The following PREX1 variants were observed in gnomAD, a reference collection of about 807,000 sequenced individuals.
PREX1 encodes the protein phosphatidylinositol 3,4,5-trisphosphate-dependent Rac exchanger 1 protein.
In PREX1, 41 loss-of-function variants were observed where a neutral mutation model predicts 198.3. That is an observed-to-expected ratio of 0.21 (90% CI 0.16 to 0.27). The LOEUF (loss-of-function observed/expected upper bound fraction) is 0.27, where lower values mean the gene tolerates loss of function less well. PREX1 is among the 10% of genes least tolerant of loss of function. The probability of loss-of-function intolerance (pLI) is 1.00; values close to 1 mark genes in which losing one functional copy is unlikely to be tolerated. For synonymous variants in PREX1, 843 were observed against 887.2 expected (o/e 0.95, Z 0.89); for missense variants, 1,620 against 2,200.7 (o/e 0.74, Z 5.28).
intron 5 of PREX1, among the ~76,000 whole-genome samples, chr20:48,717,118 G>A (rs1225322635): frequency 6.6e-6 from 1 of 152,220 alleles, no homozygotes; most frequent in Non-Finnish European, 1.5e-5. Flanking sequence ...TAAACCCACA[G>A]TGTGAAAACA....
At chr20:48,674,945 C>A (rs2089698362) in intron 14 of PREX1, among the ~76,000 whole-genome samples, 1 of 152,232 alleles carries the variant, frequency 6.6e-6, no homozygotes, top group African/African-American at 2.4e-5. Flanking sequence ...ATAAAACCAT[C>A]TTGTCCTAGT....
At chr20:48,734,491 T>A in intron 4 of PREX1, 55 bp downstream of exon 4, 9 of 1,469,260 alleles carry the variant, frequency 6.1e-6, no homozygotes, top group Non-Finnish European at 8.6e-6. Flanking sequence ...GTGCCCAGAT[T>A]CCACAAGGAT....
At chr20:48,804,620 TGA>T in intron 1 of PREX1, among the ~76,000 whole-genome samples, 1 of 152,130 alleles carries the variant, frequency 6.6e-6, no homozygotes, top group Non-Finnish European at 1.5e-5. Flanking sequence ...GAATGTGACC[TGA>T]TTTACGCAGG....
chr20:48,639,746 C>T lies in PREX1; in HGVS notation c.3904+20G>A, dbSNP rs751210612. On this transcript the variant is annotated intron_variant, in intron 30 of 39. Coordinates refer to ENST00000371941, the MANE Select transcript of PREX1 (RefSeq NM_020820.4). Reference sequence around the variant, plus strand: ...CCATGGCCCCCTCCCCACCATGATGCACCCTCCCTGCCCACCGACCTTCCA... The same window carrying T: ...CCATGGCCCCCTCCCCACCATGATGTACCCTCCCTGCCCACCGACCTTCCA... 14 of 1,612,154 alleles carry T rather than the reference C, an allele frequency of 8.7e-6. No homozygotes were observed. The East Asian group carries it at 2.7e-4, about 31-fold the overall frequency.
At chr20:48,713,443 C>T (rs545017269) in intron 5 of PREX1, among the ~76,000 whole-genome samples, 5 of 152,160 alleles carry the variant, frequency 3.3e-5, no homozygotes, top group Non-Finnish European at 4.4e-5. Flanking sequence ...CAGAGTGAGA[C>T]TCCATCATAA....
intron 12 of PREX1, 99 bp downstream of exon 12, chr20:48,679,552 G>A: frequency 7.1e-7 from 1 of 1,399,218 alleles, no homozygotes; most frequent in Non-Finnish European, 1.0e-6. Context: ...AGTGGAGAAG[G>A]CAAACAAGCC....
intron 1 of PREX1, among the ~76,000 whole-genome samples, chr20:48,797,642 C>T (rs936476595): frequency 5.9e-5 from 9 of 152,186 alleles, no homozygotes; most frequent in Non-Finnish European, 1.2e-4. Context: ...ACACCCCCGT[C>T]GGTCCCCGCT....
At chr20:48,771,915 T>C (rs2090237792) in intron 1 of PREX1, among the ~76,000 whole-genome samples, 1 of 152,216 alleles carries the variant, frequency 6.6e-6, no homozygotes, top group Admixed American at 6.5e-5. Flanking sequence ...GTGTCTAGGC[T>C]GGGCGCGGTG....
At chr20:48,775,834 T>C (rs2090258664) in intron 1 of PREX1, among the ~76,000 whole-genome samples, 1 of 152,210 alleles carries the variant, frequency 6.6e-6, no homozygotes, top group South Asian at 2.1e-4. Context: ...TGTGGAACTG[T>C]AAGTCCATTA....
intron 25 of PREX1, among the ~76,000 whole-genome samples, chr20:48,647,697 A>G (rs562530287): frequency 3.3e-5 from 5 of 152,308 alleles, no homozygotes; most frequent in Admixed American, 1.3e-4. Flanking sequence ...AAGTTTGCAC[A>G]GTGGATAAGT....
At chr20:48,626,923 A>G (rs1468198024) in intron 39 of PREX1, among the ~76,000 whole-genome samples, 2 of 152,196 alleles carry the variant, frequency 1.3e-5, no homozygotes, top group Non-Finnish European at 2.9e-5. Flanking sequence ...CATGATCCTA[A>G]AGGGCCTACA....
Position 48,657,024 on chromosome 20 carries a change from G to A in PREX1, c.2123+16C>T, listed in dbSNP as rs542326474. The A allele has an allele frequency of 2.9e-5, 46 of 1,572,360 alleles. 1 individual carries two copies. The South Asian group carries it at 3.1e-4, about 11-fold the overall frequency. On this transcript the variant is annotated intron_variant, in intron 18 of 39. Transcript: ENST00000371941. ...GAGAGGGAGGGCTGCCGGACACCCC[G>A]CCCTGGGACACTCACTCTTTGGCCT...
At chr20:48,653,859 A>AG (rs2089521615) in intron 19 of PREX1, among the ~76,000 whole-genome samples, 3 of 152,240 alleles carry the variant, frequency 2.0e-5, no homozygotes, top group Admixed American at 2.0e-4. Context: ...AGGCAAAGCC[A>AG]TGCTCTCTAG....
chr20:48,803,899 C>T lies in PREX1; in HGVS notation c.219+23743G>A, dbSNP rs559790599. Among the ~76,000 whole-genome samples, 7 of 152,274 alleles carry T rather than the reference C, an allele frequency of 4.6e-5. No homozygotes were observed. In the South Asian group the frequency reaches 1.4e-3, roughly 32 times the overall value. On this transcript the variant is annotated intron_variant, in intron 1 of 39. Coordinates refer to ENST00000371941, the MANE Select transcript of PREX1 (RefSeq NM_020820.4). ...CCTGAGTCAAGTAAGCCCAGAAAGT[C>T]TTTTTTTGTTTGTCTGTTTGCTTCA...
chr20:48,737,285 G>A (rs542442841), intron 3 of PREX1, among the ~76,000 whole-genome samples: 1 of 150,522 alleles, frequency 6.6e-6, no homozygotes, highest in African/African-American at 2.4e-5. Context: ...TAGACTCGTG[G>A]GTTTAGGGAA....
intron 1 of PREX1, among the ~76,000 whole-genome samples, chr20:48,813,265 C>G (rs946178624): frequency 6.6e-6 from 1 of 152,168 alleles, no homozygotes; most frequent in Non-Finnish European, 1.5e-5. Flanking sequence ...ATCAGCTTCC[C>G]GAGGTCACAG....
the PREX1 span, among the ~76,000 whole-genome samples, chr20:48,838,800 G>T: frequency 6.6e-6 from 1 of 152,116 alleles, no homozygotes; most frequent in East Asian, 1.9e-4. Flanking sequence ...GGTGGAGGCT[G>T]CTGGATCACT....
At chr20:48,746,024 C>A (rs568295424) in intron 2 of PREX1, among the ~76,000 whole-genome samples, 2 of 152,128 alleles carry the variant, frequency 1.3e-5, no homozygotes, top group Admixed American at 1.3e-4. Context: ...TTATTATTTT[C>A]TTTTTTAGAG....
At chr20:48,847,198 G>T in the PREX1 span, among the ~76,000 whole-genome samples, 106 of 152,168 alleles carry the variant, frequency 7.0e-4, no homozygotes, top group African/African-American at 2.6e-3. Flanking sequence ...GAATAGGAAA[G>T]CACCCTGTCC....
Sources: gnomAD v4.1 joint callset for allele counts (sites outside exome capture counted in the v4.1 genomes callset) on GRCh38, gnomAD v4.1.1 for gene constraint, MANE v1.5 for transcripts, NCBI Gene and HGNC (gene_info 2026-07-23, HGNC 2026-07-21) for gene names.